XRCC1: variants seen among roughly 807,000 people sequenced by gnomAD.
The protein encoded by XRCC1 is X-ray repair cross complementing 1.
Under a neutral mutation model 83.3 loss-of-function variants are expected in XRCC1, and 52 were observed. The observed-to-expected ratio is 0.62, with a 90% CI of 0.50 to 0.79. The LOEUF is 0.79. XRCC1 is among the 30% of genes least tolerant of loss of function. XRCC1 has a pLI of 0.00. For missense variants in XRCC1, 793 were observed against 823.5 expected (o/e 0.96, Z 0.45); for synonymous variants, 281 against 312.6 (o/e 0.90, Z 1.07).
chr19:43,554,778 CA>C lies in XRCC1; in HGVS notation c.281del (p.Met94SerfsTer51). 1 of 1,613,084 alleles carries C rather than the reference CA, an allele frequency of 6.2e-7. No individual in the cohort carries two copies. The highest frequency in any genetic ancestry group is 1.1e-5 in the South Asian group (1 of 91,016). On this transcript the variant is annotated frameshift_variant, in exon 4 of 17. Transcript: ENST00000262887. LOFTEE classifies it high-confidence loss of function. ...YEVLLVTSSF[M>X]SPSESRSGSN... ...AGCCACTGCGGCTCTCGGAAGGGGA[CA>C]TGAAAGATGAGGTGACCAGAAGGAC...
At chr19:43,550,906 C>G (rs3213371) in intron 10 of XRCC1, among the ~76,000 whole-genome samples, 7,783 of 152,294 alleles carry the variant, frequency 0.051, 261 homozygotes, top group Middle Eastern at 0.18. Flanking sequence ...AAGGGCAGGG[C>G]TCAATGACTG....
chr19:43,554,135 A>C (rs1972611461), intron 4 of XRCC1, among the ~76,000 whole-genome samples: 1 of 152,164 alleles, frequency 6.6e-6, no homozygotes, highest in African/African-American at 2.4e-5. Flanking sequence ...TCCCCAGGAC[A>C]GTTACCTGGG....
chr19:43,554,841 C>T (rs529947338), intron 3 of XRCC1, 37 bp from the exon 4 acceptor site: 3 of 1,591,244 alleles, frequency 1.9e-6, no homozygotes, highest in Admixed American at 3.4e-5. Context: ...AGAACCAGGG[C>T]AGGTTGGCTT....
intron 12 of XRCC1, 86 bp from the exon 13 acceptor site, chr19:43,546,192 T>C (rs2146042605): frequency 6.7e-7 from 1 of 1,494,128 alleles, no homozygotes; most frequent in Non-Finnish European, 9.3e-7. Flanking sequence ...GACCCAGGCA[T>C]CTCATGCCCC....
chr19:43,552,327 A>AGTGGT, intron 8 of XRCC1, 52 bp from the exon 9 acceptor site: 3 of 1,376,274 alleles, frequency 2.2e-6, no homozygotes, highest in Non-Finnish European at 3.0e-6. Flanking sequence ...GTCAACCCCC[A>AGTGGT]GCCCCTCCTC....
At chr19:43,569,403 G>A (rs1204919872) in intron 2 of XRCC1, among the ~76,000 whole-genome samples, 1 of 151,396 alleles carries the variant, frequency 6.6e-6, no homozygotes, top group Non-Finnish European at 1.5e-5. Flanking sequence ...TTGAGCCCGG[G>A]AGGTCGAGCC....
intron 3 of XRCC1, among the ~76,000 whole-genome samples, chr19:43,556,603 A>G (rs1271617501): frequency 6.6e-6 from 1 of 152,138 alleles, no homozygotes; most frequent in Non-Finnish European, 1.5e-5. Context: ...TAGGAGTTCA[A>G]TACCAGCCTG....
rs560897953 is a variant in XRCC1, at chr19:43,554,791, G to A, written c.269C>T (p.Thr90Ile). The A allele has an allele frequency of 6.2e-7, 1 of 1,611,612 alleles. No homozygotes were observed. Among genetic ancestry groups the A allele is most frequent in the Non-Finnish European group, 8.5e-7 (1 of 1,178,218 alleles). Residue 90 changes from threonine (T) to isoleucine (I), a missense_variant, in exon 4 of 17, where the codon ACC becomes ATC. Thr to Ile is a moderately conservative substitution (Grantham distance 89). Transcript: ENST00000262887. ...CTCGGAAGGGGACATGAAAGATGAGGTGACCAGAAGGACCTGGGTGGGAGA... is the reference window on the plus strand; with the variant it reads ...CTCGGAAGGGGACATGAAAGATGAGATGACCAGAAGGACCTGGGTGGGAGA... Reference protein sequence around the residue: ...GEQDYEVLLVTSSFMSPSESR... With the variant: ...GEQDYEVLLVISSFMSPSESR...
At chr19:43,550,785 G>C (rs1972566680) in intron 10 of XRCC1, among the ~76,000 whole-genome samples, 1 of 152,154 alleles carries the variant, frequency 6.6e-6, no homozygotes, top group African/African-American at 2.4e-5. Flanking sequence ...TGTTCAGCCT[G>C]AAAAACCTCT....
At chr19:43,559,798 G>A (rs1384572935) in intron 3 of XRCC1, among the ~76,000 whole-genome samples, 2 of 152,038 alleles carry the variant, frequency 1.3e-5, no homozygotes, top group Admixed American at 1.3e-4. Flanking sequence ...AAGAAAGGAG[G>A]GCTGGGTGTG....
chr19:43,559,705 T>C (rs1182680164), intron 3 of XRCC1, among the ~76,000 whole-genome samples: 2 of 152,088 alleles, frequency 1.3e-5, no homozygotes, highest in Non-Finnish European at 2.9e-5. Flanking sequence ...ACTTTGCAGA[T>C]GTGATGAACT....
intron 2 of XRCC1, among the ~76,000 whole-genome samples, chr19:43,561,970 A>G (rs1392701887): frequency 6.6e-6 from 1 of 151,840 alleles, no homozygotes. Context: ...ACATGGCAAA[A>G]CCCCTTCTCT....
intron 3 of XRCC1, among the ~76,000 whole-genome samples, chr19:43,555,668 TC>T (rs927159498): frequency 5.9e-5 from 9 of 152,096 alleles, no homozygotes; most frequent in African/African-American, 2.2e-4. Flanking sequence ...TTTCTTTTGT[TC>T]CCCCAACCCT....
rs764152488 is a variant in XRCC1, at chr19:43,554,817, A to G, written c.256-13T>C. The G allele has an allele frequency of 6.2e-7, 1 of 1,607,132 alleles. No homozygotes were observed. Among genetic ancestry groups the G allele is most frequent in the Non-Finnish European group, 8.5e-7 (1 of 1,174,896 alleles). On this transcript the variant is annotated splice_polypyrimidine_tract_variant and intron_variant, in intron 3 of 16. Coordinates refer to ENST00000262887, the MANE Select transcript of XRCC1 (RefSeq NM_006297.3). Reference sequence around the variant, plus strand: ...TGACCAGAAGGACCTGGGTGGGAGAAGCCACAGTGCATGAGAACCAGGGCA... The same window carrying G: ...TGACCAGAAGGACCTGGGTGGGAGAGGCCACAGTGCATGAGAACCAGGGCA...
chr19:43,559,966 G>C (rs935401997), intron 3 of XRCC1, among the ~76,000 whole-genome samples: 2 of 151,268 alleles, frequency 1.3e-5, no homozygotes, highest in Non-Finnish European at 2.9e-5. Flanking sequence ...CTGTAGCCCT[G>C]GCTACTTGGG....
chr19:43,547,557 T>G (rs1484800653), intron 10 of XRCC1, among the ~76,000 whole-genome samples: 1 of 149,156 alleles, frequency 6.7e-6, no homozygotes, highest in African/African-American at 2.5e-5. Flanking sequence ...CTTGGCTCAC[T>G]GCAACCTCCA....
chr19:43,564,952 G>C (rs565433548), intron 2 of XRCC1, among the ~76,000 whole-genome samples: 2 of 152,038 alleles, frequency 1.3e-5, no homozygotes, highest in Non-Finnish European at 2.9e-5. Context: ...TCGGCTTCTC[G>C]AGGCCACCTG....
At chr19:43,548,766 CAAAAAA>C (rs60740505) in intron 10 of XRCC1, among the ~76,000 whole-genome samples, 21 of 64,594 alleles carry the variant, frequency 3.3e-4, no homozygotes, top group African/African-American at 7.0e-4. Flanking sequence ...CAAGAATGAT[CAAAAAA>C]AAAAAAAAAA....
chr19:43,556,677 C>T (rs1312918671), intron 3 of XRCC1, among the ~76,000 whole-genome samples: 4 of 151,974 alleles, frequency 2.6e-5, no homozygotes, highest in African/African-American at 7.2e-5. Context: ...TGGTGGCAGA[C>T]GCCTGTTGTC....
Sources: allele counts gnomAD v4.1 joint callset (sites outside exome capture counted in the v4.1 genomes callset), GRCh38; gene constraint gnomAD v4.1.1; transcripts MANE v1.5; gene names NCBI Gene and HGNC (gene_info 2026-07-23, HGNC 2026-07-21).